Variants in KAZN observed in about 807,000 individuals in gnomAD.
KAZN encodes the protein kazrin.
In KAZN, 40 loss-of-function variants were observed where a neutral mutation model predicts 87.4. The observed-to-expected ratio is 0.46, with a 90% CI of 0.36 to 0.60. The LOEUF is 0.60. Among genes scored for constraint, KAZN ranks in the 20% least tolerant of loss-of-function variants. The probability of loss-of-function intolerance (pLI) is 0.00; values close to 1 mark genes in which losing one functional copy is unlikely to be tolerated. For synonymous variants in KAZN, 466 were observed against 458.3 expected (o/e 1.02, Z -0.22); for missense variants, 898 against 1,073.9 (o/e 0.84, Z 2.29).
intron 1 of KAZN, among the ~76,000 whole-genome samples, chr1:14,777,908 CTT>C (rs34368895): frequency 0.021 from 3,214 of 152,132 alleles, 111 homozygotes; most frequent in African/African-American, 0.072. Flanking sequence ...GTGGGAGTGT[CTT>C]TTAGCATGCT....
At chr1:14,411,681 A>G (rs1041726399) in intron 2 of KAZN, among the ~76,000 whole-genome samples, 5 of 152,262 alleles carry the variant, frequency 3.3e-5, no homozygotes, top group Non-Finnish European at 7.3e-5. Flanking sequence ...AAGAAGGACT[A>G]AAACCCAGAA....
At chr1:14,596,520 G>A (rs564970421), upstream of KAZN, among the ~76,000 whole-genome samples, 8 of 152,300 alleles carry the variant, frequency 5.3e-5, no homozygotes, top group South Asian at 1.7e-3. Flanking sequence ...ACCGTGTTGT[G>A]CCACCACCAC....
Position 14,051,861 on chromosome 1 carries a change from A to ACC in KAZN, c.92-128574_92-128573insCC, listed in dbSNP as rs1328511285. 1.2e-4 allele frequency among the ~76,000 whole-genome samples: 19 copies of ACC among 152,188 alleles called. No individual in the cohort carries two copies. In the South Asian group the frequency reaches 2.3e-3, roughly 18 times the overall value. On this transcript the variant is annotated intron_variant, in intron 1 of 16. Transcript: ENST00000636203. Reference sequence around the variant, plus strand: ...TCTCAAAAAACCAACCAACCAACCAAACAACAACAACAACAAAAACCCAAA... The same window carrying ACC: ...TCTCAAAAAACCAACCAACCAACCAACCACAACAACAACAACAAAAACCCAAA...
intron 2 of KAZN, among the ~76,000 whole-genome samples, chr1:14,282,678 G>A (rs1462997306): frequency 1.3e-5 from 2 of 152,152 alleles, no homozygotes; most frequent in African/African-American, 4.8e-5. Context: ...CAGCTCCTGG[G>A]ACTTGTTTCA....
chr1:14,852,837 A>G (rs1465425482), intron 1 of KAZN, among the ~76,000 whole-genome samples: 2 of 152,200 alleles, frequency 1.3e-5, no homozygotes, highest in Non-Finnish European at 2.9e-5. Context: ...TGGTCCCTGT[A>G]CCAGCAACAT....
At chr1:14,320,977 G>T (rs1401546840) in intron 2 of KAZN, among the ~76,000 whole-genome samples, 5 of 152,068 alleles carry the variant, frequency 3.3e-5, no homozygotes, top group Admixed American at 6.6e-5. Flanking sequence ...GTCTGTTTTT[G>T]TTTTTATCTA....
intron 2 of KAZN, among the ~76,000 whole-genome samples, chr1:14,967,888 C>T (rs953093910): frequency 6.6e-6 from 1 of 152,188 alleles, no homozygotes; most frequent in Non-Finnish European, 1.5e-5. Context: ...TAAGAACATT[C>T]ATTTGTATTA....
intron 5 of KAZN, among the ~76,000 whole-genome samples, chr1:15,058,899 G>A (rs1348876549): frequency 6.6e-6 from 1 of 152,000 alleles, no homozygotes; most frequent in Non-Finnish European, 1.5e-5. Flanking sequence ...GCAGATGCCT[G>A]TAATCCCAGC....
At position 14,278,399 on chromosome 1, in the gene KAZN, G is replaced by A. The variant is rs541715091; in HGVS notation, c.249+97807G>A. Among the ~76,000 whole-genome samples, 92 of 148,846 alleles carry A rather than the reference G, an allele frequency of 6.2e-4. 3 individuals carry two copies. The South Asian group carries it at 9.0e-3, about 15-fold the overall frequency. ...TCTGCCTCCCGGACTCAAGCGATTC[G>A]CCAGCCTCAGCCTCCTGAGTAGCTG... On this transcript the variant is annotated intron_variant, in intron 2 of 16. Transcript: ENST00000636203.
chr1:14,280,465 A>G (rs996691771), intron 2 of KAZN, among the ~76,000 whole-genome samples: 1 of 150,668 alleles, frequency 6.6e-6, no homozygotes, highest in African/African-American at 2.4e-5. Context: ...GGAACTGTGG[A>G]CTCAGACAGG....
chr1:14,599,893 G>T lies in KAZN; in HGVS notation c.226+670G>T, dbSNP rs558803083. Among the ~76,000 whole-genome samples the T allele has an allele frequency of 3.6e-4, 55 of 152,140 alleles. 1 individual carries two copies. In the South Asian group the frequency reaches 0.011, roughly 32 times the overall value. On this transcript the variant is annotated intron_variant, in intron 1 of 14. Coordinates refer to ENST00000376030, the MANE Select transcript of KAZN (RefSeq NM_201628.3). The surrounding 1 kb of genome is among the most constrained non-coding windows in gnomAD (Gnocchi z 4.4). The stretch of plus-strand genomic sequence containing the variant: ...AAGGTTGAGCGGTAGAGAAATGAAG[G>T]CTTAGGGTGGTGGGCTGCAGGGAGC...
At chr1:14,334,917 A>G (rs2100883788) in intron 2 of KAZN, among the ~76,000 whole-genome samples, 1 of 152,152 alleles carries the variant, frequency 6.6e-6, no homozygotes, top group African/African-American at 2.4e-5. Context: ...AGAGAAATAG[A>G]GAGGAAGACA....
chr1:15,110,085 ATATG>A (rs1383117822), intron 13 of KAZN, among the ~76,000 whole-genome samples: 41 of 147,772 alleles, frequency 2.8e-4, no homozygotes, highest in East Asian at 1.2e-3. Flanking sequence ...GTATGTGTGT[ATATG>A]TATGTGTGTA....
intron 2 of KAZN, among the ~76,000 whole-genome samples, chr1:15,013,686 C>T (rs989256348): frequency 6.6e-6 from 1 of 150,984 alleles, no homozygotes; most frequent in African/African-American, 2.4e-5. Context: ...GCCTGGGAGG[C>T]GGAGGTTGAA....
chr1:14,915,530 G>A (rs1657712871), intron 1 of KAZN, among the ~76,000 whole-genome samples: 1 of 152,204 alleles, frequency 6.6e-6, no homozygotes, highest in Admixed American at 6.5e-5. Flanking sequence ...AGTTCCGCTA[G>A]TAGCCACCAG....
At chr1:14,041,794 A>G (rs4662089) in intron 1 of KAZN, among the ~76,000 whole-genome samples, 93,812 of 152,154 alleles carry the variant, frequency 0.62, 30,284 homozygotes, top group African/African-American at 0.8. Context: ...AACTTCTTGT[A>G]TGACTTTGCA....
chr1:14,379,151 A>G (rs1661158505), intron 2 of KAZN, among the ~76,000 whole-genome samples: 1 of 150,896 alleles, frequency 6.6e-6, no homozygotes, highest in Non-Finnish European at 1.5e-5. Flanking sequence ...AAGCAGACCA[A>G]CTGGCCTGAA....
At chr1:14,652,652 T>C (rs901421644) in intron 1 of KAZN, among the ~76,000 whole-genome samples, 14 of 34,592 alleles carry the variant, frequency 4.0e-4, no homozygotes, top group East Asian at 1.1e-3. Flanking sequence ...CATCCACCCA[T>C]CCACCCACCC....
At chr1:14,527,792 C>T (rs764578070) in intron 2 of KAZN, among the ~76,000 whole-genome samples, 2 of 152,024 alleles carry the variant, frequency 1.3e-5, no homozygotes, top group African/African-American at 4.8e-5. Flanking sequence ...AGTGAGAACT[C>T]CCTCATTACC....
Sources: gnomAD v4.1 joint callset for allele counts (sites outside exome capture counted in the v4.1 genomes callset) on GRCh38, gnomAD v4.1.1 for gene constraint, Gnocchi (gnomAD v3.1) non-coding constraint, MANE v1.5 for transcripts, NCBI Gene and HGNC (gene_info 2026-07-23, HGNC 2026-07-21) for gene names.